Variants in RIMS2 observed in about 807,000 individuals in gnomAD.
RIMS2 encodes the protein regulating synaptic membrane exocytosis protein 2.
Under a neutral mutation model 174.4 loss-of-function variants are expected in RIMS2, and 59 were observed. The ratio of observed to expected loss-of-function variants is 0.34; its 90% CI spans 0.27 to 0.42. RIMS2 has a LOEUF of 0.42. Among genes scored for constraint, RIMS2 ranks in the 10% least tolerant of loss-of-function variants. The probability of loss-of-function intolerance (pLI) is 1.00; values close to 1 mark genes in which losing one functional copy is unlikely to be tolerated. For missense variants in RIMS2, 1,620 were observed against 1,666.3 expected (o/e 0.97, Z 0.48); for synonymous variants, 606 against 572.5 (o/e 1.06, Z -0.84).
At chr8:104,246,091 G>T (rs1341778345) in intron 20 of RIMS2, among the ~76,000 whole-genome samples, 2 of 152,142 alleles carry the variant, frequency 1.3e-5, no homozygotes, top group East Asian at 3.9e-4. Flanking sequence ...TACTGTTAGG[G>T]ATATAAAAAT....
intron 19 of RIMS2, among the ~76,000 whole-genome samples, chr8:104,137,602 A>G (rs1232483270): frequency 6.6e-6 from 1 of 152,192 alleles, no homozygotes; most frequent in Non-Finnish European, 1.5e-5. Context: ...AATAGCAGAA[A>G]GGTATATAAT....
intron 2 of RIMS2, among the ~76,000 whole-genome samples, chr8:103,726,171 G>C (rs2097525607): frequency 6.6e-6 from 1 of 152,094 alleles, no homozygotes; most frequent in Non-Finnish European, 1.5e-5. Context: ...TTATGATGGA[G>C]TTACATCTAA....
intron 19 of RIMS2, among the ~76,000 whole-genome samples, chr8:104,081,250 G>T (rs1192126620): frequency 1.3e-5 from 2 of 151,772 alleles, no homozygotes; most frequent in African/African-American, 4.8e-5. Context: ...AGCCCTTTTC[G>T]ATTTTCTGCC....
At chr8:103,565,249 A>G (rs1013619731) in intron 1 of RIMS2, among the ~76,000 whole-genome samples, 16 of 151,990 alleles carry the variant, frequency 1.1e-4, no homozygotes, top group African/African-American at 3.9e-4. Flanking sequence ...CCTTTGTTAG[A>G]TGTAAATGTA....
At chr8:104,252,670 A>G (rs1271205530), downstream of RIMS2, 1 of 152,238 alleles carries the variant, frequency 6.6e-6, no homozygotes, top group Non-Finnish European at 1.5e-5. Context: ...TTCTTTAATC[A>G]TAGTCTGTGT....
At chr8:103,507,640 A>T (rs1389199202) in intron 1 of RIMS2, among the ~76,000 whole-genome samples, 1 of 152,116 alleles carries the variant, frequency 6.6e-6, no homozygotes, top group East Asian at 1.9e-4. Flanking sequence ...ACATGGAAGG[A>T]AACTTACAGT....
chr8:103,658,101 C>A (rs549599809), intron 1 of RIMS2, among the ~76,000 whole-genome samples: 118 of 152,230 alleles, frequency 7.8e-4, no homozygotes, highest in African/African-American at 2.8e-3. Context: ...TAGGTTATAA[C>A]GTGAAGAAAA....
chr8:103,903,146 A>G (rs1052051328), intron 4 of RIMS2, among the ~76,000 whole-genome samples: 5 of 152,180 alleles, frequency 3.3e-5, no homozygotes, highest in African/African-American at 7.2e-5. Context: ...TTTCATGACT[A>G]TCTTATTTAA....
At chr8:103,500,908 C>G (rs772915683) in exon 1 of RIMS2, 54 of 1,602,184 alleles carry the variant, frequency 3.4e-5, no homozygotes, top group Non-Finnish European at 3.4e-6. Context: ...TGTCGGGCCC[C>G]GGGGCCGCCT....
At chr8:103,607,319 G>A (rs1279791675) in intron 1 of RIMS2, among the ~76,000 whole-genome samples, 3 of 151,974 alleles carry the variant, frequency 2.0e-5, no homozygotes, top group Admixed American at 2.0e-4. Flanking sequence ...TAAGAATGTT[G>A]AATATTGGCC....
intron 1 of RIMS2, among the ~76,000 whole-genome samples, chr8:103,593,852 A>G (rs2094373303): frequency 6.6e-6 from 1 of 151,360 alleles, no homozygotes; most frequent in Non-Finnish European, 1.5e-5. Flanking sequence ...TTTAATTTCT[A>G]AAAAGTAGAT....
intron 16 of RIMS2, among the ~76,000 whole-genome samples, chr8:103,979,990 G>GTACTCACAAA: frequency 2.0e-5 from 3 of 152,050 alleles, no homozygotes; most frequent in Admixed American, 2.0e-4. Flanking sequence ...TGGAGTCCTA[G>GTACTCACAAA]GTAAACTGGA....
intron 3 of RIMS2, among the ~76,000 whole-genome samples, chr8:103,809,889 A>T (rs1439234505): frequency 1.3e-5 from 2 of 152,206 alleles, no homozygotes; most frequent in Non-Finnish European, 2.9e-5. Context: ...AGGGTAAAAA[A>T]TCCAGGGAAA....
chr8:103,931,678 C>T (rs2079978517), intron 12 of RIMS2, among the ~76,000 whole-genome samples: 1 of 151,918 alleles, frequency 6.6e-6, no homozygotes, highest in South Asian at 2.1e-4. Flanking sequence ...TTCCTAAAAT[C>T]AAATTTTTAA....
intron 1 of RIMS2, among the ~76,000 whole-genome samples, chr8:103,631,375 T>C (rs924868411): frequency 2.0e-5 from 3 of 152,258 alleles, no homozygotes; most frequent in African/African-American, 7.2e-5. Flanking sequence ...CAGTATCATT[T>C]ATTGCGTAGA....
chr8:104,229,914 G>A (rs748267488), intron 19 of RIMS2, among the ~76,000 whole-genome samples: 1 of 152,300 alleles, frequency 6.6e-6, no homozygotes, highest in Non-Finnish European at 1.5e-5. Flanking sequence ...TGTGAGCTTC[G>A]TAGACATCAC....
chr8:103,743,569 T>A (rs1362397244), intron 2 of RIMS2, among the ~76,000 whole-genome samples: 1 of 152,178 alleles, frequency 6.6e-6, no homozygotes, highest in Admixed American at 6.5e-5. Flanking sequence ...CTATATTTAT[T>A]ACTTATGATT....
chr8:103,993,064 A>T (rs1402099406), intron 17 of RIMS2, among the ~76,000 whole-genome samples: 1 of 152,158 alleles, frequency 6.6e-6, no homozygotes, highest in Admixed American at 6.5e-5. Context: ...CAGTGAGGCG[A>T]GATCGCGCCA....
chr8:103,846,764 C>T (rs142314981), intron 3 of RIMS2, among the ~76,000 whole-genome samples: 212 of 152,262 alleles, frequency 1.4e-3, no homozygotes, highest in African/African-American at 4.9e-3. Context: ...TCTGTAAAAA[C>T]TTGTCTCTGA....
Sources: gnomAD v4.1 joint callset for allele counts (sites outside exome capture counted in the v4.1 genomes callset) on GRCh38, gnomAD v4.1.1 for gene constraint, MANE v1.5 for transcripts, NCBI Gene and HGNC (gene_info 2026-07-23, HGNC 2026-07-21) for gene names.